Variants in TRIM37 observed in about 807,000 individuals in gnomAD.
TRIM37 encodes the protein E3 ubiquitin-protein ligase TRIM37.
In TRIM37, 80 loss-of-function variants were observed where a neutral mutation model predicts 129.8. The ratio of observed to expected loss-of-function variants is 0.62; its 90% CI spans 0.51 to 0.74. The LOEUF (loss-of-function observed/expected upper bound fraction) is 0.74. Among genes scored for constraint, TRIM37 ranks in the 30% least tolerant of loss-of-function variants. The pLI is 0.00. For synonymous variants in TRIM37, 389 were observed against 387.1 expected (o/e 1.00, Z -0.06); for missense variants, 1,054 against 1,176.5 (o/e 0.90, Z 1.52).
intron 22 of TRIM37, among the ~76,000 whole-genome samples, chr17:59,011,284 AAAATC>A (rs1184781150): frequency 6.6e-6 from 1 of 152,220 alleles, no homozygotes; most frequent in Non-Finnish European, 1.5e-5. Flanking sequence ...ATCATTTACA[AAAATC>A]TTTTCTATTT....
chr17:59,026,002 C>A (rs1222880660), intron 19 of TRIM37, among the ~76,000 whole-genome samples: 1 of 152,080 alleles, frequency 6.6e-6, no homozygotes, highest in Non-Finnish European at 1.5e-5. Flanking sequence ...ATATATTTTG[C>A]TATTATCTCC....
chr17:59,065,803 A>G (rs2041875842), intron 9 of TRIM37, among the ~76,000 whole-genome samples: 2 of 152,226 alleles, frequency 1.3e-5, no homozygotes, highest in Admixed American at 6.5e-5. Flanking sequence ...CCACACTATG[A>G]TAGTGTCTAA....
At chr17:59,095,052 C>T (rs1013775223) in intron 2 of TRIM37, among the ~76,000 whole-genome samples, 1 of 151,980 alleles carries the variant, frequency 6.6e-6, no homozygotes, top group Non-Finnish European at 1.5e-5. Flanking sequence ...ACCATCTCTA[C>T]AATAAATTTA....
At chr17:58,988,691 G>C (rs1432593339) in intron 24 of TRIM37, among the ~76,000 whole-genome samples, 1 of 152,122 alleles carries the variant, frequency 6.6e-6, no homozygotes, top group Non-Finnish European at 1.5e-5. Context: ...CGGAAGCAGA[G>C]AGAGAGACCC....
At chr17:59,018,715 T>C (rs1424913627) in intron 19 of TRIM37, among the ~76,000 whole-genome samples, 1 of 151,358 alleles carries the variant, frequency 6.6e-6, no homozygotes, top group Non-Finnish European at 1.5e-5. Flanking sequence ...AAAATAATAG[T>C]AGCTGTGTTT....
chr17:58,990,541 C>T (rs1264864783), intron 24 of TRIM37, among the ~76,000 whole-genome samples: 1 of 151,124 alleles, frequency 6.6e-6, no homozygotes, highest in Non-Finnish European at 1.5e-5. Context: ...GCCTGTAATC[C>T]CAGCACTTTG....
At position 59,001,667 on chromosome 17, in the gene TRIM37, GCTC is replaced by G; in HGVS notation, c.2740_2742del (p.Glu914del). The G allele has an allele frequency of 6.2e-7, 1 of 1,614,030 alleles. No homozygotes were observed. Among genetic ancestry groups the G allele is most frequent in the South Asian group, 1.1e-5 (1 of 91,082 alleles). On this transcript the variant is annotated inframe_deletion, in exon 23 of 24. Transcript: ENST00000262294. ...CCGCCCACACTGGTATGCTCTTCCT[GCTC>G]CTCATTCTCAGTGTCACATTCAATG...
chr17:59,072,544 T>C (rs2042464001), intron 8 of TRIM37, among the ~76,000 whole-genome samples: 1 of 152,036 alleles, frequency 6.6e-6, no homozygotes, highest in Non-Finnish European at 1.5e-5. Context: ...ATGACCTGGC[T>C]AGTTCAAGGC....
At chr17:58,992,456 C>T (rs1182112) in intron 24 of TRIM37, among the ~76,000 whole-genome samples, 19 of 151,774 alleles carry the variant, frequency 1.3e-4, no homozygotes, top group Non-Finnish European at 2.5e-4. Flanking sequence ...TCTTGGTTCA[C>T]GGCAACCTCC....
chr17:59,011,140 G>C (rs551484899), intron 22 of TRIM37, among the ~76,000 whole-genome samples: 3 of 151,628 alleles, frequency 2.0e-5, no homozygotes, highest in African/African-American at 7.3e-5. Context: ...CTGCACTCCA[G>C]ACTGGGCAAC....
intron 19 of TRIM37, among the ~76,000 whole-genome samples, chr17:59,026,385 AG>A (rs1330275606): frequency 6.6e-6 from 1 of 152,212 alleles, no homozygotes; most frequent in Admixed American, 6.5e-5. Flanking sequence ...CCAAAAGCAC[AG>A]GGAACAAAAG....
Position 59,070,636 on chromosome 17 carries a change from G to T in TRIM37, c.809+187C>A, listed in dbSNP as rs1014146266. On this transcript the variant is annotated intron_variant, in intron 9 of 23. Transcript: ENST00000262294. The stretch of plus-strand genomic sequence containing the variant: ...CATGTCTATGATCCCTAGTAATTTG[G>T]GGGGTCAAGGTGGGAAAATCACTTG... Among the ~76,000 whole-genome samples, 11 of 151,916 alleles carry T rather than the reference G, an allele frequency of 7.2e-5. 1 individual carries two copies. Among genetic ancestry groups the T allele is most frequent in the African/African-American group, 2.7e-4 (11 of 41,336 alleles).
rs1282104238 is a variant in TRIM37 at position 59,081,942 on chromosome 17, AAAAAAAAAAAT to A, written c.370-734_370-724del. ...AATTTTTTAATAATAAAAACCAAAAAAAAAAAAAAATAAAAAAAAAAAAATAATAATAATAA... is the reference window on the plus strand; with the variant it reads ...AATTTTTTAATAATAAAAACCAAAAAAAAAAAAAAAAAATAATAATAATAA... On this transcript the variant is annotated intron_variant, in intron 5 of 23. Transcript: ENST00000262294. Among the ~76,000 whole-genome samples the A allele has an allele frequency of 1.6e-4, 17 of 105,210 alleles. 1 individual carries two copies. The highest frequency in any genetic ancestry group is 6.0e-4 in the South Asian group (2 of 3,330). 69.0% of individuals were successfully genotyped at this position (105,210 alleles called of 152,430 possible).
At chr17:58,981,128 T>G, downstream of TRIM37, 1 of 816,522 alleles carries the variant, frequency 1.2e-6, no homozygotes, top group Admixed American at 2.8e-5. Context: ...TGTGCTTCAT[T>G]ATGAATCCAT....
At chr17:59,001,055 C>T (rs1047754131) in intron 23 of TRIM37, among the ~76,000 whole-genome samples, 6 of 151,644 alleles carry the variant, frequency 4.0e-5, no homozygotes, top group African/African-American at 1.2e-4. Flanking sequence ...ATTAGCCAGG[C>T]GTGGTGGTGT....
At chr17:59,052,173 A>G (rs1568102103) in intron 13 of TRIM37, among the ~76,000 whole-genome samples, 2 of 151,692 alleles carry the variant, frequency 1.3e-5, no homozygotes, top group Non-Finnish European at 2.9e-5. Flanking sequence ...GTATTAATAT[A>G]TAAATGACAG....
intron 24 of TRIM37, chr17:58,984,768 A>G (rs1598730251): frequency 6.6e-6 from 1 of 152,624 alleles, no homozygotes; most frequent in East Asian, 1.9e-4. Context: ...TTAAAGCAGC[A>G]TTTTATCTTC....
chr17:59,092,457 C>G (rs1475295533), intron 2 of TRIM37, among the ~76,000 whole-genome samples: 1 of 150,690 alleles, frequency 6.6e-6, no homozygotes, highest in African/African-American at 2.4e-5. Context: ...TTCTAGATAT[C>G]TTGGTTTCCT....
At chr17:59,039,620 C>T (rs1486449365) in intron 17 of TRIM37, among the ~76,000 whole-genome samples, 4 of 152,118 alleles carry the variant, frequency 2.6e-5, no homozygotes, top group African/African-American at 9.7e-5. Flanking sequence ...GCTGGGATTA[C>T]AGGTGTGAGC....
Sources: gnomAD v4.1 joint callset for allele counts (sites outside exome capture counted in the v4.1 genomes callset) on GRCh38, gnomAD v4.1.1 for gene constraint, MANE v1.5 for transcripts, NCBI Gene and HGNC (gene_info 2026-07-23, HGNC 2026-07-21) for gene names.